The following CEMIP variants were observed in gnomAD, a reference collection of about 807,000 sequenced individuals.
CEMIP encodes the protein cell migration inducing hyaluronidase 1.
Under a neutral mutation model 156.9 loss-of-function variants are expected in CEMIP, and 105 were observed. The observed-to-expected ratio is 0.67, with a 90% CI of 0.57 to 0.79. The LOEUF is 0.79. CEMIP is among the 30% of genes least tolerant of loss of function. The pLI is 0.00. For missense variants in CEMIP, 1,457 were observed against 1,769.4 expected, an observed-to-expected ratio of 0.82 and a Z score of 3.17; for synonymous variants, 676 against 668.4, an observed-to-expected ratio of 1.01 and a Z score of -0.17.
At chr15:80,894,377 C>CT (rs754328034) in intron 10 of CEMIP, among the ~76,000 whole-genome samples, 12 of 152,276 alleles carry the variant, frequency 7.9e-5, no homozygotes, top group Admixed American at 2.0e-4. Flanking sequence ...ATCTGTAAAA[C>CT]TAACAGCAGC....
At chr15:80,900,786 G>A in intron 12 of CEMIP, 4 of 353,670 alleles carry the variant, frequency 1.1e-5, no homozygotes, top group South Asian at 2.1e-5. Context: ...CAGGATCAAG[G>A]ATTCCACCTG....
chr15:80,782,729 T>G (rs1483516407), intron 1 of CEMIP, among the ~76,000 whole-genome samples: 1 of 152,222 alleles, frequency 6.6e-6, no homozygotes, highest in Non-Finnish European at 1.5e-5. Context: ...AATCTTAGCT[T>G]CTTCCGTCTA....
chr15:80,896,284 G>A (rs1899220269), intron 12 of CEMIP: 2 of 681,406 alleles, frequency 2.9e-6, no homozygotes, highest in South Asian at 1.5e-5. Context: ...TCCAGGCTGA[G>A]AGTTGGGTTC....
intron 14 of CEMIP, among the ~76,000 whole-genome samples, chr15:80,918,405 A>G (rs925135908): frequency 6.6e-6 from 1 of 152,208 alleles, no homozygotes; most frequent in Non-Finnish European, 1.5e-5. Flanking sequence ...GAATGTCTGG[A>G]GACATTTTTG....
intron 12 of CEMIP, among the ~76,000 whole-genome samples, chr15:80,898,796 C>T (rs1899337789): frequency 6.6e-6 from 1 of 152,236 alleles, no homozygotes; most frequent in Non-Finnish European, 1.5e-5. Flanking sequence ...GTGTGGATGC[C>T]ATCTCTGTCA....
intron 1 of CEMIP, among the ~76,000 whole-genome samples, chr15:80,832,322 C>CTGTGTGTGTGTGTGTGTGTGTGTGTG (rs58855328): frequency 0.016 from 2,096 of 128,016 alleles, 89 homozygotes; most frequent in Non-Finnish European, 0.021. Context: ...AAAATAAACT[C>CTGTGTGTGTGTGTGTGTGTGTGTGTG]TGTGTGTGTG....
rs11072955 is a variant in CEMIP at position 80,916,353 on chromosome 15, C to G, written c.1798-3741C>G. 3.3e-3 allele frequency among the ~76,000 whole-genome samples: 496 copies of G among 152,170 alleles called. 1 individual carries two copies. The highest frequency in any genetic ancestry group is 0.011 in the African/African-American group (472 of 41,460). On this transcript the variant is annotated intron_variant, in intron 14 of 29. Transcript: ENST00000394685. ...TACACAATCTTATGCCTGGACCACA[C>G]GTAACAACAACTGAAGACTTAAAAC...
At chr15:80,799,572 C>T (rs748346385) in intron 1 of CEMIP, among the ~76,000 whole-genome samples, 12 of 152,012 alleles carry the variant, frequency 7.9e-5, no homozygotes, top group Non-Finnish European at 1.5e-4. Context: ...GAGCATCTGC[C>T]CAAAGGAAAA....
intron 10 of CEMIP, among the ~76,000 whole-genome samples, chr15:80,891,330 T>C (rs1899026326): frequency 6.6e-6 from 1 of 152,184 alleles, no homozygotes; most frequent in African/African-American, 2.4e-5. Context: ...AGGCCCTTCC[T>C]AGAGTGTCCC....
chr15:80,893,570 G>T (rs997926586), intron 10 of CEMIP, among the ~76,000 whole-genome samples: 4 of 152,174 alleles, frequency 2.6e-5, no homozygotes, highest in Non-Finnish European at 5.9e-5. Context: ...CAGGAGGCCC[G>T]AGGAGCTGGG....
chr15:80,911,713 T>G (rs1199039350), intron 14 of CEMIP, among the ~76,000 whole-genome samples: 1 of 152,246 alleles, frequency 6.6e-6, no homozygotes, highest in Non-Finnish European at 1.5e-5. Flanking sequence ...GCCTGTGAAA[T>G]GTTTTTGGCT....
intron 1 of CEMIP, among the ~76,000 whole-genome samples, chr15:80,783,408 G>C (rs1384815949): frequency 6.6e-6 from 1 of 152,212 alleles, no homozygotes; most frequent in Admixed American, 6.5e-5. Context: ...TAAAGCATCA[G>C]CTATCTCTCA....
intron 3 of CEMIP, among the ~76,000 whole-genome samples, chr15:80,876,731 G>A (rs1898492323): frequency 6.6e-6 from 1 of 152,172 alleles, no homozygotes; most frequent in Non-Finnish European, 1.5e-5. Flanking sequence ...TGTGGGTGTG[G>A]GGTCTGTATC....
rs114849516 is a variant in CEMIP at position 80,874,927 on chromosome 15, C to T, written c.94+954C>T. On this transcript the variant is annotated intron_variant, in intron 3 of 29. Coordinates refer to ENST00000394685, the MANE Select transcript of CEMIP (RefSeq NM_001293298.2). ...AATTTATATTTTGTTTTTCTCAACC[C>T]ATTGATAGAAGAGAATAATTGATAA... Among the ~76,000 whole-genome samples the T allele has an allele frequency of 4.5e-3, 686 of 151,628 alleles. 6 individuals are homozygous for T. Among genetic ancestry groups the T allele is most frequent in the African/African-American group, 0.016 (654 of 41,316 alleles).
chr15:80,899,607 C>T (rs1043328009), intron 12 of CEMIP, among the ~76,000 whole-genome samples: 3 of 151,948 alleles, frequency 2.0e-5, no homozygotes, highest in Admixed American at 6.6e-5. Flanking sequence ...ACCAAGAGGC[C>T]GGAGTAGCTG....
In CEMIP at chr15:80,929,015, A is replaced by G. The variant is rs929305184; in HGVS notation, c.2457-4A>G. ...ATCTCACCTTAAACATCTTCTCTCT[A>G]CAGTGGTGGAACCTTCCCGTATGAC... On this transcript the variant is annotated splice_region_variant and splice_polypyrimidine_tract_variant and intron_variant, in intron 20 of 29. Coordinates refer to ENST00000394685, the MANE Select transcript of CEMIP (RefSeq NM_001293298.2). 7 of 1,614,172 alleles carry G rather than the reference A, an allele frequency of 4.3e-6. No homozygotes were observed. The highest frequency in any genetic ancestry group is 5.9e-6 in the Non-Finnish European group (7 of 1,180,038).
chr15:80,915,118 A>C (rs1403686591), intron 14 of CEMIP, among the ~76,000 whole-genome samples: 1 of 152,202 alleles, frequency 6.6e-6, no homozygotes, highest in Non-Finnish European at 1.5e-5. Context: ...AGGTTTTACA[A>C]TAGTGATGTT....
intron 1 of CEMIP, among the ~76,000 whole-genome samples, chr15:80,871,103 C>G (rs1348111520): frequency 6.6e-6 from 1 of 152,166 alleles, no homozygotes; most frequent in Non-Finnish European, 1.5e-5. Context: ...CTTTTAATGG[C>G]CAATGGAGAA....
In CEMIP at chr15:80,934,055, A is replaced by AT. The variant is rs1233744564; in HGVS notation, c.3009+599dup. On this transcript the variant is annotated intron_variant, in intron 23 of 29. Transcript: ENST00000394685. ...TCTAAGTCTTCAAAGTCTACTGTGT[A>AT]TTTTACACTTATAGCCCACTCAATT... 9.8e-5 allele frequency among the ~76,000 whole-genome samples: 15 copies of AT among 152,324 alleles called. No homozygotes were observed. The South Asian group carries it at 3.1e-3, about 32-fold the overall frequency.
Sources: gnomAD v4.1 joint callset for allele counts (sites outside exome capture counted in the v4.1 genomes callset) on GRCh38, gnomAD v4.1.1 for gene constraint, MANE v1.5 for transcripts, NCBI Gene and HGNC (gene_info 2026-07-23, HGNC 2026-07-21) for gene names.